Variants in PRKCI observed in about 807,000 individuals in gnomAD.
PRKCI encodes the protein protein kinase C iota type.
Under a neutral mutation model 84.0 loss-of-function variants are expected in PRKCI, and 43 were observed. That is an observed-to-expected ratio of 0.51 (90% confidence interval 0.40 to 0.66). PRKCI has a LOEUF of 0.66. PRKCI is among the 30% of genes least tolerant of loss of function. PRKCI has a pLI of 0.00. For synonymous variants in PRKCI, 216 were observed against 234.4 expected (o/e 0.92, Z 0.72); for missense variants, 459 against 745.6 (o/e 0.62, Z 4.48).
At chr3:170,222,967 C>T (rs1310232847) in intron 1 of PRKCI, among the ~76,000 whole-genome samples, 197 bp downstream of exon 1, 3 of 151,964 alleles carry the variant, frequency 2.0e-5, no homozygotes, top group African/African-American at 7.3e-5. Context: ...GGGGCGCCCC[C>T]AGGTATGGCG....
At chr3:170,287,338 T>TATAG (rs774079161) in intron 12 of PRKCI, among the ~76,000 whole-genome samples, 20 of 149,130 alleles carry the variant, frequency 1.3e-4, no homozygotes, top group East Asian at 6.0e-4. Flanking sequence ...TATATATATA[T>TATAG]AGAGAGAGAG....
At chr3:170,230,491 C>T (rs934174829) in intron 1 of PRKCI, among the ~76,000 whole-genome samples, 11 of 152,154 alleles carry the variant, frequency 7.2e-5, no homozygotes, top group Admixed American at 4.6e-4. Context: ...CCACCATGTC[C>T]GGCTAATTTT....
intron 6 of PRKCI, 140 bp from the exon 7 acceptor site, chr3:170,273,146 C>G: frequency 1.5e-6 from 1 of 680,542 alleles, no homozygotes; most frequent in Non-Finnish European, 2.5e-6. Flanking sequence ...TTTCATAAAA[C>G]AAAATTAAAA....
chr3:170,282,120 TTA>T (rs1734263106), intron 11 of PRKCI, 152 bp downstream of exon 11: 2 of 715,582 alleles, frequency 2.8e-6, no homozygotes, highest in South Asian at 2.5e-5. Context: ...TTAATTTACA[TTA>T]TATATATGTA....
Position 170,291,866 on chromosome 3 carries a change from C to G in PRKCI, c.1216C>G (p.Pro406Ala), listed in dbSNP as rs1332841310. 1.9e-6 allele frequency: 3 copies of G among 1,604,164 alleles called. No homozygotes were observed. Among genetic ancestry groups the G allele is most frequent in the Non-Finnish European group, 2.6e-6 (3 of 1,171,132 alleles). ...TTTTTAATAAAAGGAAGGATTACGGCCAGGAGATACAACCAGCACTTTCTG... is the reference window on the plus strand; with the variant it reads ...TTTTTAATAAAAGGAAGGATTACGGGCAGGAGATACAACCAGCACTTTCTG... ...DYGMCKEGLR[P>A]GDTTSTFCGT... is the part of the protein sequence containing the mutation. Residue 406 changes from proline to alanine, a missense_variant, in exon 13 of 18, where the codon CCA (proline) becomes GCA (alanine). Transcript: ENST00000295797.
At chr3:170,269,819 A>G (rs2108853361) in intron 5 of PRKCI, among the ~76,000 whole-genome samples, 1 of 152,176 alleles carries the variant, frequency 6.6e-6, no homozygotes, top group Non-Finnish European at 1.5e-5. Flanking sequence ...TTAGCCAGGT[A>G]TGGTGGCGCA....
chr3:170,296,114 C>T (rs989601451), intron 15 of PRKCI, 124 bp downstream of exon 15: 19 of 485,452 alleles, frequency 3.9e-5, no homozygotes, highest in African/African-American at 6.0e-5. Flanking sequence ...TCAGTTTGAC[C>T]CAGAATTTGT....
At position 170,299,010 on chromosome 3, in the gene PRKCI, G is replaced by T. The variant is rs142234162; in HGVS notation, c.1603G>T (p.Val535Leu). The change falls in exon 17 of 18, where the codon GTG (valine) becomes TTG (leucine). Residue 535 changes from valine (V) to leucine (L), a missense_variant. By Grantham distance (32) the Val-to-Leu change is conservative. This residue lies in a region of PRKCI where 209 missense variants were observed against 425.9 expected (regional missense o/e 0.49). Transcript: ENST00000295797. ...GTCTTTTCAGATGGAGCAAAAACAGGTGGTACCTCCCTTTAAACCAAATAT... is the reference window on the plus strand; with the variant it reads ...GTCTTTTCAGATGGAGCAAAAACAGTTGGTACCTCCCTTTAAACCAAATAT... ...VDWDMMEQKQ[V>L]VPPFKPNISG... 1.2e-6 allele frequency: 2 copies of T among 1,612,156 alleles called. No homozygotes were observed. Among genetic ancestry groups the T allele is most frequent in the South Asian group, 2.2e-5 (2 of 90,992 alleles).
intron 4 of PRKCI, among the ~76,000 whole-genome samples, chr3:170,267,148 A>G (rs931018209): frequency 6.6e-6 from 1 of 152,138 alleles, no homozygotes; most frequent in African/African-American, 2.4e-5. Context: ...CCTTAATCTC[A>G]GACAATGGAT....
chr3:170,224,518 T>C (rs375580520), intron 1 of PRKCI, among the ~76,000 whole-genome samples: 57 of 152,092 alleles, frequency 3.7e-4, no homozygotes, highest in African/African-American at 1.3e-3. Flanking sequence ...TATTCTTTTA[T>C]TTTATTTTTG....
At chr3:170,298,376 A>G (rs1444125461) in intron 16 of PRKCI, among the ~76,000 whole-genome samples, 1 of 151,500 alleles carries the variant, frequency 6.6e-6, no homozygotes, top group Admixed American at 6.6e-5. Context: ...CTACAGGCAT[A>G]AGCCATGGTA....
At chr3:170,243,551 T>A (rs1386216832) in intron 2 of PRKCI, among the ~76,000 whole-genome samples, 2 of 152,136 alleles carry the variant, frequency 1.3e-5, no homozygotes, top group Non-Finnish European at 2.9e-5. Context: ...AGCTGGATCA[T>A]GTGGTAGGTA....
chr3:170,287,908 CAAAAAAAAA>C lies in PRKCI; in HGVS notation c.1203+3326_1203+3334del, dbSNP rs750366555. The stretch of plus-strand genomic sequence containing the variant: ...TGGGTGACAAAGTGAGACTCTGTCT[CAAAAAAAAA>C]AAAAAAAAAAAAAGAAAATCACAAA... On this transcript the variant is annotated intron_variant, in intron 12 of 17. Transcript: ENST00000295797. Among the ~76,000 whole-genome samples, 39 of 50,546 alleles carry C rather than the reference CAAAAAAAAA, an allele frequency of 7.7e-4. 1 individual carries two copies. The highest frequency in any genetic ancestry group is 9.4e-3 in the Middle Eastern group (1 of 106). The allele number at this position is 50,546 out of a possible 152,430, so 33.2% of individuals were successfully genotyped here. A position where few individuals can be genotyped will look rare whatever the true frequency, so the allele number is the denominator to read the frequency against.
At chr3:170,259,140 A>G (rs555153155) in intron 2 of PRKCI, among the ~76,000 whole-genome samples, 20 of 151,928 alleles carry the variant, frequency 1.3e-4, no homozygotes, top group African/African-American at 4.6e-4. Flanking sequence ...GCCAAACTCC[A>G]TCTCAAAAAA....
intron 2 of PRKCI, among the ~76,000 whole-genome samples, chr3:170,239,365 C>T (rs1733061244): frequency 6.6e-6 from 1 of 152,148 alleles, no homozygotes. Context: ...TAATTTAGCA[C>T]AGTGTGCAAC....
intron 4 of PRKCI, among the ~76,000 whole-genome samples, chr3:170,264,669 G>T (rs779150310): frequency 6.6e-6 from 1 of 152,118 alleles, no homozygotes; most frequent in Non-Finnish European, 1.5e-5. Flanking sequence ...CCAATTCCTA[G>T]TAACTTCAGG....
chr3:170,299,126 C>G lies in PRKCI; in HGVS notation c.1703+16C>G. 6.7e-7 allele frequency: 1 copy of G among 1,488,536 alleles called. No homozygotes were observed. The highest frequency in any genetic ancestry group is 2.4e-5 in the Admixed American group (1 of 42,244). 92.2% of individuals were successfully genotyped at this position (1,488,536 alleles called of 1,614,324 possible). A position where few individuals can be genotyped will look rare whatever the true frequency, so the allele number is the denominator to read the frequency against. Reference sequence around the variant, plus strand: ...CAGATGACGAGTAAGTAATTCTGTACACTGAAATTTTTTTTTAAGTTCTTT... The same window carrying G: ...CAGATGACGAGTAAGTAATTCTGTAGACTGAAATTTTTTTTTAAGTTCTTT... On this transcript the variant is annotated intron_variant, in intron 17 of 17. Coordinates refer to ENST00000295797, the MANE Select transcript of PRKCI (RefSeq NM_002740.6).
chr3:170,276,965 G>A (rs745658275), intron 8 of PRKCI, among the ~76,000 whole-genome samples: 7 of 152,038 alleles, frequency 4.6e-5, no homozygotes, highest in African/African-American at 1.4e-4. Flanking sequence ...AAAGGGCTGG[G>A]CATGGTGGCT....
chr3:170,296,032 C>T, intron 15 of PRKCI, 42 bp downstream of exon 15: 1 of 1,179,594 alleles, frequency 8.5e-7, no homozygotes, highest in Non-Finnish European at 1.2e-6. Flanking sequence ...TTGTCTCTTT[C>T]TATATATATC....
Sources: gnomAD v4.1 joint callset for allele counts (sites outside exome capture counted in the v4.1 genomes callset) on GRCh38, gnomAD v4.1.1 for gene constraint, gnomAD v4.1.1 regional missense constraint, MANE v1.5 for transcripts, NCBI Gene and HGNC (gene_info 2026-07-23, HGNC 2026-07-21) for gene names.